The following AHCYL2 variants were observed in gnomAD, a reference collection of about 807,000 sequenced individuals.
AHCYL2 encodes adenosylhomocysteinase like 2.
AHCYL2 carries 28 observed loss-of-function variants against 81.4 expected under a neutral mutation model. The ratio of observed to expected loss-of-function variants is 0.34; its 90% CI spans 0.25 to 0.47. The LOEUF is 0.47. AHCYL2 is among the 20% of genes least tolerant of loss of function. The probability of loss-of-function intolerance (pLI) is 1.00; values close to 1 mark genes in which losing one functional copy is unlikely to be tolerated. For synonymous variants in AHCYL2, 272 were observed against 290.2 expected (o/e 0.94, Z 0.64); for missense variants, 551 against 785.1 (o/e 0.70, Z 3.56).
intron 1 of AHCYL2, among the ~76,000 whole-genome samples, chr7:129,289,216 A>G (rs1178094483): frequency 6.6e-6 from 1 of 152,166 alleles, no homozygotes; most frequent in Non-Finnish European, 1.5e-5. Context: ...CAGCCTGCCT[A>G]ATAGCTAGGA....
intron 1 of AHCYL2, among the ~76,000 whole-genome samples, chr7:129,295,176 A>G (rs1584754211): frequency 1.3e-5 from 2 of 152,216 alleles, no homozygotes; most frequent in Admixed American, 1.3e-4. Context: ...AGGGAATTTG[A>G]TTAGGCAAGC....
Position 129,419,038 on chromosome 7 carries a change from G to A in AHCYL2, c.1462-3802G>A, listed in dbSNP as rs1474866166. Among the ~76,000 whole-genome samples the A allele has an allele frequency of 6.6e-6, 1 of 152,194 alleles. No individual in the cohort carries two copies. ...ATTTTTAGTAATCAAAATTTTTAAA[G>A]AGTTTTTTTTCCTTTTTTGGTAGGA... On this transcript the variant is annotated intron_variant, in intron 12 of 16. Coordinates refer to ENST00000325006, the MANE Select transcript of AHCYL2 (RefSeq NM_015328.4). This position sits in a 1 kb window ranked among gnomAD's most constrained non-coding sequence, Gnocchi z 4.7.
At chr7:129,365,912 A>G (rs1322368372) in intron 1 of AHCYL2, among the ~76,000 whole-genome samples, 1 of 152,100 alleles carries the variant, frequency 6.6e-6, no homozygotes, top group Non-Finnish European at 1.5e-5. Flanking sequence ...AAAGACAGCA[A>G]TAATGTTGAT....
At chr7:129,252,141 C>T (rs528533886) in intron 1 of AHCYL2, among the ~76,000 whole-genome samples, 1 of 152,290 alleles carries the variant, frequency 6.6e-6, no homozygotes, top group South Asian at 2.1e-4. Flanking sequence ...GTTACCTCTG[C>T]CCTTAAATGA....
At chr7:129,376,507 A>G (rs1039396978) in intron 1 of AHCYL2, among the ~76,000 whole-genome samples, 1 of 152,234 alleles carries the variant, frequency 6.6e-6, no homozygotes, top group African/African-American at 2.4e-5. Context: ...AAAAGATAGC[A>G]TGAACTTGTC....
At chr7:129,418,481 A>G (rs79087908) in intron 12 of AHCYL2, among the ~76,000 whole-genome samples, 2,028 of 152,082 alleles carry the variant, frequency 0.013, 44 homozygotes, top group African/African-American at 0.047. Flanking sequence ...TTGTGTTTTT[A>G]GTAGAGTCGG....
chr7:129,332,949 A>G (rs1405951863), intron 1 of AHCYL2, among the ~76,000 whole-genome samples: 1 of 152,184 alleles, frequency 6.6e-6, no homozygotes, highest in Non-Finnish European at 1.5e-5. Context: ...TATGATGACT[A>G]TAGTTGACTT....
intron 1 of AHCYL2, among the ~76,000 whole-genome samples, chr7:129,299,026 G>A (rs1431744223): frequency 2.0e-5 from 3 of 152,092 alleles, no homozygotes; most frequent in African/African-American, 7.2e-5. Context: ...ATAAATGAAT[G>A]AGTTCCAAAA....
At chr7:129,232,024 A>T (rs1319893180) in intron 1 of AHCYL2, among the ~76,000 whole-genome samples, 4 of 151,878 alleles carry the variant, frequency 2.6e-5, no homozygotes, top group Non-Finnish European at 4.4e-5. Context: ...AAGGAAGGGT[A>T]TTTGAACTGC....
intron 1 of AHCYL2, among the ~76,000 whole-genome samples, chr7:129,359,035 A>C (rs1793842009): frequency 6.6e-6 from 1 of 152,204 alleles, no homozygotes; most frequent in African/African-American, 2.4e-5. Context: ...TCATATGGGT[A>C]CCGAAAGACA....
At chr7:129,235,859 T>G (rs1794624938) in intron 1 of AHCYL2, among the ~76,000 whole-genome samples, 2 of 152,208 alleles carry the variant, frequency 1.3e-5, no homozygotes, top group Admixed American at 6.5e-5. Context: ...TTGTTGTTTC[T>G]TAAACCATTC....
intron 2 of AHCYL2, among the ~76,000 whole-genome samples, chr7:129,385,922 A>G (rs1795179125): frequency 6.6e-6 from 1 of 152,326 alleles, no homozygotes; most frequent in South Asian, 2.1e-4. Context: ...TACTATCTCA[A>G]CTGTCATCAT....
At chr7:129,409,191 G>A (rs1796448338) in intron 10 of AHCYL2, among the ~76,000 whole-genome samples, 1 of 152,184 alleles carries the variant, frequency 6.6e-6, no homozygotes, top group Admixed American at 6.5e-5. Flanking sequence ...GGGGTAGTTG[G>A]TTAAATGGCT....
chr7:129,292,135 C>T (rs1796888588), intron 1 of AHCYL2, among the ~76,000 whole-genome samples: 1 of 152,094 alleles, frequency 6.6e-6, no homozygotes, highest in Non-Finnish European at 1.5e-5. Flanking sequence ...TTTAGTAGGA[C>T]TACTGCTTGT....
At chr7:129,234,437 G>C (rs1213923414) in intron 1 of AHCYL2, among the ~76,000 whole-genome samples, 1 of 152,112 alleles carries the variant, frequency 6.6e-6, no homozygotes, top group Admixed American at 6.6e-5. Flanking sequence ...TAGAGACGGG[G>C]TTTCACCAGG....
intron 1 of AHCYL2, among the ~76,000 whole-genome samples, chr7:129,235,750 C>T (rs1450721718): frequency 6.6e-6 from 1 of 152,130 alleles, no homozygotes; most frequent in Non-Finnish European, 1.5e-5. Context: ...TTGCAGGTTC[C>T]TTTTTTATTC....
intron 1 of AHCYL2, among the ~76,000 whole-genome samples, chr7:129,294,288 C>T (rs1032950881): frequency 7.2e-5 from 11 of 152,156 alleles, no homozygotes; most frequent in South Asian, 2.1e-4. Context: ...ACATGTCTGA[C>T]GGAAGTGCCA....
chr7:129,411,800 A>G (rs977874491), intron 11 of AHCYL2, among the ~76,000 whole-genome samples: 5 of 151,256 alleles, frequency 3.3e-5, no homozygotes, highest in African/African-American at 4.9e-5. Context: ...TGATGTTTTC[A>G]GGGCCTCCCC....
intron 1 of AHCYL2, among the ~76,000 whole-genome samples, chr7:129,230,004 T>C (rs1008161891): frequency 6.6e-6 from 1 of 152,084 alleles, no homozygotes; most frequent in African/African-American, 2.4e-5. Flanking sequence ...CTTTTGAAAA[T>C]TGCAAAGGGA....
Sources: gnomAD v4.1 joint callset for allele counts (sites outside exome capture counted in the v4.1 genomes callset) on GRCh38, gnomAD v4.1.1 for gene constraint, Gnocchi (gnomAD v3.1) non-coding constraint, MANE v1.5 for transcripts, NCBI Gene and HGNC (gene_info 2026-07-23, HGNC 2026-07-21) for gene names.